Variants in MACROH2A1 observed in about 807,000 individuals in gnomAD.
MACROH2A1 encodes core histone macro-H2A.1.
A neutral mutation model predicts 31.6 loss-of-function variants in MACROH2A1; 2 were observed. That is an observed-to-expected ratio of 0.06 (90% confidence interval 0.03 to 0.20). MACROH2A1 has a LOEUF of 0.20. MACROH2A1 is among the 10% of genes least tolerant of loss of function. The pLI, the probability that MACROH2A1 is intolerant of heterozygous loss-of-function variation, is 1.00. For missense variants in MACROH2A1, 230 were observed against 474.0 expected, an observed-to-expected ratio of 0.49 and a Z score of 4.78; for synonymous variants, 169 against 189.6, an observed-to-expected ratio of 0.89 and a Z score of 0.89.
Position 135,366,534 on chromosome 5 carries a change from A to C in MACROH2A1, c.477+2872T>G, listed in dbSNP as rs375484285. ...AGCTAACCCCAGAGCCTGCACCCCTAATCACTATGCCACACTGCTAAAATA... is the reference window on the plus strand; with the variant it reads ...AGCTAACCCCAGAGCCTGCACCCCTCATCACTATGCCACACTGCTAAAATA... On this transcript the variant is annotated intron_variant, in intron 4 of 8. Coordinates refer to ENST00000511689, the MANE Select transcript of MACROH2A1 (RefSeq NM_138610.3). Among the ~76,000 whole-genome samples the C allele has an allele frequency of 2.8e-4, 43 of 152,042 alleles. No individual in the cohort carries two copies. In the East Asian group the frequency reaches 2.9e-3, roughly 10 times the overall value.
chr5:135,340,893 G>T (rs1759722796), intron 8 of MACROH2A1, among the ~76,000 whole-genome samples: 1 of 152,144 alleles, frequency 6.6e-6, no homozygotes, highest in African/African-American at 2.4e-5. Flanking sequence ...ATGTGGCCTG[G>T]GTAGCTGTAC....
At chr5:135,382,514 C>A (rs1251610057) in intron 2 of MACROH2A1, among the ~76,000 whole-genome samples, 1 of 152,100 alleles carries the variant, frequency 6.6e-6, no homozygotes, top group Non-Finnish European at 1.5e-5. Context: ...GGATCATAGA[C>A]CTAAATGTAG....
At chr5:135,370,292 G>A (rs1764016360) in intron 2 of MACROH2A1, 150 bp from the exon 3 acceptor site, 1 of 562,538 alleles carries the variant, frequency 1.8e-6, no homozygotes, top group Non-Finnish European at 3.2e-6. Context: ...GAGTCACAGA[G>A]GTGCTGAATG....
At chr5:135,355,508 G>GT (rs565850487) in intron 5 of MACROH2A1, 76 of 275,546 alleles carry the variant, frequency 2.8e-4, no homozygotes, top group African/African-American at 1.6e-3. Flanking sequence ...AGCCACAAAA[G>GT]TTTTTTTGCT....
At chr5:135,365,418 A>T (rs1026081611) in intron 4 of MACROH2A1, among the ~76,000 whole-genome samples, 3 of 152,140 alleles carry the variant, frequency 2.0e-5, no homozygotes, top group Admixed American at 1.3e-4. Context: ...TCATGAGAGT[A>T]ACCTCACCTC....
chr5:135,390,113 C>T (rs1767007446), intron 1 of MACROH2A1, among the ~76,000 whole-genome samples: 1 of 152,220 alleles, frequency 6.6e-6, no homozygotes, highest in African/African-American at 2.4e-5. Context: ...ACAAGGTTCC[C>T]CCCAAATACC....
intron 1 of MACROH2A1, among the ~76,000 whole-genome samples, chr5:135,392,417 A>G (rs1767371107): frequency 1.3e-5 from 2 of 152,022 alleles, no homozygotes; most frequent in South Asian, 2.1e-4. Flanking sequence ...CTCCCCACCA[A>G]TGGGGTTGTC....
intron 1 of MACROH2A1, among the ~76,000 whole-genome samples, chr5:135,396,222 C>T (rs947812911): frequency 5.3e-5 from 8 of 152,334 alleles, no homozygotes; most frequent in East Asian, 1.9e-4. Context: ...ACCAGTCTCA[C>T]GGAAGGCTAT....
intron 8 of MACROH2A1, 125 bp downstream of exon 8, chr5:135,343,135 T>C (rs1296891949): frequency 6.3e-7 from 1 of 1,584,402 alleles, no homozygotes; most frequent in Non-Finnish European, 8.6e-7. Context: ...TGTGTTGTGC[T>C]TCTGGTCTCC....
At chr5:135,396,079 G>C (rs772686267) in intron 1 of MACROH2A1, among the ~76,000 whole-genome samples, 8 of 152,160 alleles carry the variant, frequency 5.3e-5, no homozygotes, top group Non-Finnish European at 8.8e-5. Flanking sequence ...TCGGTGATGC[G>C]CTTCCCGAGA....
chr5:135,351,530 T>C (rs1220228245), intron 6 of MACROH2A1: 1 of 150,856 alleles, frequency 6.6e-6, no homozygotes, highest in Non-Finnish European at 1.5e-5. Context: ...GCCTATCTTA[T>C]TTTTATGGTT....
intron 2 of MACROH2A1, among the ~76,000 whole-genome samples, chr5:135,385,415 G>T (rs1381071710): frequency 6.6e-6 from 1 of 152,198 alleles, no homozygotes; most frequent in Non-Finnish European, 1.5e-5. Context: ...GAAGCCCTTT[G>T]GGGGTGGGGA....
rs188713150 is a variant in MACROH2A1, at chr5:135,382,656, A to G, written c.172+6266T>C. On this transcript the variant is annotated intron_variant, in intron 2 of 8. Coordinates refer to ENST00000511689, the MANE Select transcript of MACROH2A1 (RefSeq NM_138610.3). ...AATAATTACTAAGCTGGTCTTTATG[A>G]AAATCAAGCATTTCTACTCTGTAAA... Among the ~76,000 whole-genome samples, 3 of 152,382 alleles carry G rather than the reference A, an allele frequency of 2.0e-5. No individual in the cohort carries two copies. The East Asian group carries it at 5.8e-4, about 29-fold the overall frequency.
chr5:135,358,652 T>C, intron 5 of MACROH2A1: 1 of 969,058 alleles, frequency 1.0e-6, no homozygotes. Flanking sequence ...ATTTCACTGT[T>C]AAGCTAAGTT....
At chr5:135,361,140 TCCCTGCAGAC>T (rs1762797824) in intron 4 of MACROH2A1, 1 of 234,612 alleles carries the variant, frequency 4.3e-6, no homozygotes, top group Non-Finnish European at 8.4e-6. Context: ...ACCATCTGTC[TCCCTGCAGAC>T]CCCTTGACCC....
intron 2 of MACROH2A1, among the ~76,000 whole-genome samples, chr5:135,372,591 G>T (rs1424575597): frequency 6.6e-6 from 1 of 152,266 alleles, no homozygotes; most frequent in Non-Finnish European, 1.5e-5. Context: ...CCTGGGTACT[G>T]TGAATGCAGA....
chr5:135,370,187 GT>G, intron 2 of MACROH2A1, 45 bp from the exon 3 acceptor site: 2 of 1,232,074 alleles, frequency 1.6e-6, no homozygotes, highest in South Asian at 2.6e-5. Flanking sequence ...AGAGGACCAT[GT>G]GTCCCCGCCC....
intron 2 of MACROH2A1, among the ~76,000 whole-genome samples, chr5:135,372,604 C>T (rs139965259): frequency 3.5e-4 from 53 of 152,356 alleles, no homozygotes; most frequent in African/African-American, 1.1e-3. Flanking sequence ...AATGCAGAAG[C>T]GCCTGCCTGG....
In MACROH2A1 at chr5:135,343,726, G is replaced by A. The variant is rs1442507095; in HGVS notation, c.779-292C>T. On this transcript the variant is annotated intron_variant, in intron 7 of 8. Coordinates refer to ENST00000511689, the MANE Select transcript of MACROH2A1 (RefSeq NM_138610.3). Reference sequence around the variant, plus strand: ...CATACACGGTTCTCCCAGAGGCAGAGCCTTATCCATCAAAACTCAACTGAA... The same window carrying A: ...CATACACGGTTCTCCCAGAGGCAGAACCTTATCCATCAAAACTCAACTGAA... 9.5e-6 allele frequency: 4 copies of A among 419,454 alleles called. No individual in the cohort carries two copies. The East Asian group carries it at 1.8e-4, about 19-fold the overall frequency. 26.0% of individuals were successfully genotyped at this position (419,454 alleles called of 1,614,324 possible). A position where few individuals can be genotyped will look rare whatever the true frequency, so the allele number is the denominator to read the frequency against.
Sources: gnomAD v4.1 joint callset for allele counts (sites outside exome capture counted in the v4.1 genomes callset) on GRCh38, gnomAD v4.1.1 for gene constraint, MANE v1.5 for transcripts, NCBI Gene and HGNC (gene_info 2026-07-23, HGNC 2026-07-21) for gene names.